CC2D2B: variants seen among roughly 807,000 people sequenced by gnomAD.
CC2D2B encodes coiled-coil and C2 domain containing 2B, also known as protein CC2D2B.
Under a neutral mutation model 161.2 loss-of-function variants are expected in CC2D2B, and 128 were observed. The ratio of observed to expected loss-of-function variants is 0.79; its 90% CI spans 0.69 to 0.92. The LOEUF is 0.92. CC2D2B is among the 40% of genes least tolerant of loss of function. The pLI, the probability that CC2D2B is intolerant of heterozygous loss-of-function variation, is 0.00. For missense variants in CC2D2B, 1,173 were observed against 1,375.1 expected, an observed-to-expected ratio of 0.85 and a Z score of 2.32; for synonymous variants, 391 against 449.8, an observed-to-expected ratio of 0.87 and a Z score of 1.65.
Position 95,924,396 on chromosome 10 carries a change from G to A in CC2D2B, c.174+6G>A. ...AAAAGCTAAAAATTTCTAAGGTAAT[G>A]CTTTTTAAAATTTCCTGTTTTCAAA... On this transcript the variant is annotated splice_donor_region_variant and intron_variant, in intron 4 of 34. Transcript: ENST00000646931. The A allele has an allele frequency of 6.9e-7, 1 of 1,446,158 alleles. No individual in the cohort carries two copies. The highest frequency in any genetic ancestry group is 9.3e-7 in the Non-Finnish European group (1 of 1,073,756). The allele number at this position is 1,446,158 out of a possible 1,614,324, so 89.6% of individuals were successfully genotyped here.
At chr10:95,943,525 G>A (rs2076093524) in intron 9 of CC2D2B, among the ~76,000 whole-genome samples, 1 of 152,122 alleles carries the variant, frequency 6.6e-6, no homozygotes, top group Non-Finnish European at 1.5e-5. Flanking sequence ...CAGCCCATCT[G>A]CTGACTTCTT....
intron 2 of CC2D2B, among the ~76,000 whole-genome samples, chr10:95,921,753 C>G (rs1420310500): frequency 6.8e-6 from 1 of 147,386 alleles, no homozygotes; most frequent in Admixed American, 6.9e-5. Context: ...ATAACGAGAA[C>G]ACATAGACAT....
intron 12 of CC2D2B, among the ~76,000 whole-genome samples, chr10:95,964,839 T>G (rs2076886227): frequency 6.6e-6 from 1 of 152,168 alleles, no homozygotes; most frequent in South Asian, 2.1e-4. Flanking sequence ...AGTCTCCAGT[T>G]CAGTGGTTTT....
At chr10:95,945,016 G>T (rs1326512855) in intron 9 of CC2D2B, among the ~76,000 whole-genome samples, 1 of 152,154 alleles carries the variant, frequency 6.6e-6, no homozygotes, top group African/African-American at 2.4e-5. Flanking sequence ...TCTTATAAAG[G>T]GGCTTTTGCC....
At chr10:95,945,777 CTTTTTT>C (rs34209550) in intron 9 of CC2D2B, among the ~76,000 whole-genome samples, 2 of 81,124 alleles carry the variant, frequency 2.5e-5, no homozygotes, top group African/African-American at 9.5e-5. Flanking sequence ...TAATGTTGGA[CTTTTTT>C]TTTTTTTTTT....
chr10:96,006,807 G>C (rs1009049318), intron 25 of CC2D2B, among the ~76,000 whole-genome samples: 2 of 152,136 alleles, frequency 1.3e-5, no homozygotes, highest in African/African-American at 4.8e-5. Context: ...AACCATCAGA[G>C]TGCCTGGCCC....
At chr10:95,928,351 T>A (rs2098543317) in intron 6 of CC2D2B, among the ~76,000 whole-genome samples, 1 of 151,992 alleles carries the variant, frequency 6.6e-6, no homozygotes, top group Admixed American at 6.6e-5. Context: ...CCTAAGATAG[T>A]CACTATTATC....
chr10:95,967,058 T>C (rs1261117786), intron 14 of CC2D2B, among the ~76,000 whole-genome samples: 1 of 152,072 alleles, frequency 6.6e-6, no homozygotes, highest in Admixed American at 6.6e-5. Flanking sequence ...TTTAGCAGTG[T>C]TGGAAAATAC....
At position 95,938,026 on chromosome 10, in the gene CC2D2B, ACT is replaced by A; in HGVS notation, c.373_374del (p.Leu125TrpfsTer3). 6.4e-7 allele frequency: 1 copy of A among 1,550,886 alleles called. No individual in the cohort carries two copies. The highest frequency in any genetic ancestry group is 8.7e-7 in the Non-Finnish European group (1 of 1,146,354). On this transcript the variant is annotated frameshift_variant, in exon 7 of 35. Transcript: ENST00000646931. LOFTEE classifies it high-confidence loss of function. ...VNRSYPKCFS[L>X]GVNLQNVAES... ...ACCGTAGTTATCCCAAATGCTTTTC[ACT>A]TGGTGTTAATTTACAAAATGTTGCT...
chr10:95,970,999 C>A (rs894855812), intron 15 of CC2D2B, among the ~76,000 whole-genome samples: 6 of 152,132 alleles, frequency 3.9e-5, no homozygotes, highest in Admixed American at 2.0e-4. Context: ...TTTCAAGGAG[C>A]AATTTTCCCC....
chr10:95,964,427 G>A (rs1302827391), intron 12 of CC2D2B, among the ~76,000 whole-genome samples: 2 of 152,130 alleles, frequency 1.3e-5, no homozygotes, highest in African/African-American at 4.8e-5. Flanking sequence ...CTTCCCTGGT[G>A]ATTTTAATAT....
intron 22 of CC2D2B, 107 bp from the exon 23 acceptor site, chr10:95,995,162 A>C (rs1361585378): frequency 5.5e-6 from 3 of 542,218 alleles, no homozygotes; most frequent in Non-Finnish European, 9.5e-6. Context: ...AGAACCAGAG[A>C]AACTGACTTA....
chr10:95,934,404 G>T (rs2075732380), intron 6 of CC2D2B, among the ~76,000 whole-genome samples: 1 of 150,932 alleles, frequency 6.6e-6, no homozygotes, highest in African/African-American at 2.4e-5. Flanking sequence ...TGTCGATTCT[G>T]TCTTGTTGGC....
intron 19 of CC2D2B, 103 bp from the exon 20 acceptor site, chr10:95,988,147 T>C (rs2077804698): frequency 7.2e-6 from 3 of 415,470 alleles, no homozygotes; most frequent in Non-Finnish European, 1.2e-5. Flanking sequence ...ATGTTTCCAG[T>C]GTCTTACACA....
In CC2D2B at chr10:95,913,472, A is replaced by G. The variant is rs954590617; in HGVS notation, c.36+2113A>G. 8 of 396,228 alleles carry G rather than the reference A, an allele frequency of 2.0e-5. No homozygotes were observed. In the Admixed American group the frequency reaches 2.2e-4, roughly 11 times the overall value. The allele number at this position is 396,228 out of a possible 1,614,324, so 24.5% of individuals were successfully genotyped here. A position where few individuals can be genotyped will look rare whatever the true frequency, so the allele number is the denominator to read the frequency against. On this transcript the variant is annotated intron_variant, in intron 2 of 34. Transcript: ENST00000646931. ...CAATATACTGATTTTCTTTCCTTTG[A>G]GTATATACCCAGCAGTGGAATTGCT...
intron 19 of CC2D2B, among the ~76,000 whole-genome samples, chr10:95,985,390 A>T (rs2077677999): frequency 6.6e-6 from 1 of 152,192 alleles, no homozygotes; most frequent in African/African-American, 2.4e-5. Flanking sequence ...ATGGACATTT[A>T]TTAGTTCCCC....
intron 1 of CC2D2B, among the ~76,000 whole-genome samples, chr10:95,909,323 G>T (rs541719596): frequency 6.6e-6 from 1 of 152,212 alleles, no homozygotes; most frequent in East Asian, 1.9e-4. Context: ...AAGGGTAGCT[G>T]GTGCTATATA....
chr10:96,026,622 G>C (rs2079791650), intron 33 of CC2D2B, among the ~76,000 whole-genome samples: 1 of 152,094 alleles, frequency 6.6e-6, no homozygotes, highest in African/African-American at 2.4e-5. Context: ...ATCACACCCA[G>C]TAGGCAGCTG....
chr10:95,989,482 G>T (rs2077864282), intron 20 of CC2D2B, among the ~76,000 whole-genome samples: 1 of 152,048 alleles, frequency 6.6e-6, no homozygotes, highest in Admixed American at 6.6e-5. Flanking sequence ...TTCTTTACTA[G>T]CTTGCTGTAT....
Sources: gnomAD v4.1 joint callset for allele counts (sites outside exome capture counted in the v4.1 genomes callset) on GRCh38, gnomAD v4.1.1 for gene constraint, MANE v1.5 for transcripts, NCBI Gene and HGNC (gene_info 2026-07-23, HGNC 2026-07-21) for gene names.